THSD7A: variants seen among roughly 807,000 people sequenced by gnomAD.
THSD7A encodes the protein thrombospondin type 1 domain containing 7A, also known as thrombospondin type-1 domain-containing protein 7A.
In THSD7A, 96 loss-of-function variants were observed where a neutral mutation model predicts 231.3. The ratio of observed to expected loss-of-function variants is 0.41; its 90% CI spans 0.35 to 0.49. THSD7A has a LOEUF of 0.49. Among genes scored for constraint, THSD7A ranks in the 20% least tolerant of loss-of-function variants. The pLI is 0.05. For synonymous variants in THSD7A, 940 were observed against 743.3 expected, an observed-to-expected ratio of 1.26 and a Z score of -4.30; for missense variants, 2,290 against 2,070.2, an observed-to-expected ratio of 1.11 and a Z score of -2.06.
chr7:11,543,783 A>AC (rs1443169175), intron 4 of THSD7A, among the ~76,000 whole-genome samples: 5 of 152,090 alleles, frequency 3.3e-5, no homozygotes, highest in Admixed American at 6.5e-5. Flanking sequence ...TGACCAATAA[A>AC]CTGTGGATAA....
intron 17 of THSD7A, among the ~76,000 whole-genome samples, chr7:11,413,178 A>G (rs904538593): frequency 3.0e-4 from 45 of 152,090 alleles, no homozygotes; most frequent in African/African-American, 1.1e-3. Context: ...AAGACATTTT[A>G]AGAATAACTT....
At chr7:11,631,665 A>G (rs1329947764) in intron 2 of THSD7A, among the ~76,000 whole-genome samples, 1 of 152,166 alleles carries the variant, frequency 6.6e-6, no homozygotes, top group African/African-American at 2.4e-5. Flanking sequence ...AGAAAAAAAA[A>G]CAAACACAAA....
At chr7:11,420,772 G>A (rs894000994) in intron 16 of THSD7A, among the ~76,000 whole-genome samples, 1 of 152,188 alleles carries the variant, frequency 6.6e-6, no homozygotes, top group African/African-American at 2.4e-5. Flanking sequence ...AGCCTTGGGG[G>A]CTGTACCCTG....
At chr7:11,499,627 T>C (rs986970525) in intron 6 of THSD7A, among the ~76,000 whole-genome samples, 5 of 152,146 alleles carry the variant, frequency 3.3e-5, no homozygotes, top group African/African-American at 1.2e-4. Context: ...AAAAAGAATC[T>C]AATGGGTCAG....
At position 11,447,129 on chromosome 7, in the gene THSD7A, A is replaced by G. The variant is rs993808308; in HGVS notation, c.2800+101T>C. Reference sequence around the variant, plus strand: ...AAAATATACATCTAAATCCATTGGCATATTATTTTTCAAATACACTGTCAG... The same window carrying G: ...AAAATATACATCTAAATCCATTGGCGTATTATTTTTCAAATACACTGTCAG... On this transcript the variant is annotated intron_variant, in intron 12 of 27. Coordinates refer to ENST00000423059, the MANE Select transcript of THSD7A (RefSeq NM_015204.3). 4.6e-6 allele frequency: 5 copies of G among 1,079,168 alleles called. No individual in the cohort carries two copies. In the Admixed American group the frequency reaches 6.6e-5, roughly 14 times the overall value. 66.8% of individuals were successfully genotyped at this position (1,079,168 alleles called of 1,614,324 possible).
At chr7:11,810,651 C>A (rs1248850235) in intron 1 of THSD7A, among the ~76,000 whole-genome samples, 2 of 152,134 alleles carry the variant, frequency 1.3e-5, no homozygotes, top group African/African-American at 2.4e-5. Flanking sequence ...TTTGTCTTCA[C>A]CTCAGATTTA....
intron 4 of THSD7A, among the ~76,000 whole-genome samples, chr7:11,573,129 G>A (rs1006125029): frequency 2.0e-5 from 3 of 152,122 alleles, no homozygotes; most frequent in Admixed American, 2.0e-4. Flanking sequence ...GACCTGAGGT[G>A]CTCAACAAGT....
At chr7:11,698,510 T>C (rs1780471319) in intron 1 of THSD7A, among the ~76,000 whole-genome samples, 1 of 151,392 alleles carries the variant, frequency 6.6e-6, no homozygotes, top group Non-Finnish European at 1.5e-5. Context: ...GTGACAAAAT[T>C]GCAAGTAGCC....
intron 11 of THSD7A, among the ~76,000 whole-genome samples, chr7:11,457,766 T>A (rs945109754): frequency 1.3e-5 from 2 of 152,070 alleles, no homozygotes; most frequent in Non-Finnish European, 2.9e-5. Context: ...ATGTTTTTGT[T>A]TTTCTTACCT....
chr7:11,813,276 T>G (rs759596990), intron 1 of THSD7A, among the ~76,000 whole-genome samples: 1 of 152,220 alleles, frequency 6.6e-6, no homozygotes, highest in Non-Finnish European at 1.5e-5. Context: ...CTAAATGCAC[T>G]TTTATTCTTA....
intron 23 of THSD7A, among the ~76,000 whole-genome samples, chr7:11,397,436 A>G (rs1313519066): frequency 6.6e-6 from 1 of 152,204 alleles, no homozygotes; most frequent in East Asian, 1.9e-4. Context: ...ACGTAAACCC[A>G]AGACCTAAAA....
intron 6 of THSD7A, among the ~76,000 whole-genome samples, chr7:11,502,835 T>C (rs1787392272): frequency 1.3e-5 from 2 of 152,336 alleles, no homozygotes; most frequent in South Asian, 4.1e-4. Flanking sequence ...CATGCCATGC[T>C]GATGGATAGA....
In THSD7A at chr7:11,590,455, G is replaced by C; in HGVS notation, c.1453+5C>G. On this transcript the variant is annotated splice_donor_5th_base_variant and intron_variant, in intron 4 of 27. Transcript: ENST00000423059. The surrounding 1 kb of genome is among the most constrained non-coding windows in gnomAD (Gnocchi z 4.4). ...GTGAATCCTTGAGAAGAAAGCAAAG[G>C]TTACCTTCTTTGTTCTTGTGGGTAC... 1.2e-6 allele frequency: 2 copies of C among 1,607,662 alleles called. No individual in the cohort carries two copies. The highest frequency in any genetic ancestry group is 2.2e-5 in the East Asian group (1 of 44,680).
chr7:11,802,929 T>C (rs1583303354), intron 1 of THSD7A, among the ~76,000 whole-genome samples: 1 of 152,184 alleles, frequency 6.6e-6, no homozygotes, highest in African/African-American at 2.4e-5. Context: ...TCTTAGACTC[T>C]TGGAAAGAAT....
rs933275990 is a variant in THSD7A, at chr7:11,814,476, T to G, written c.190+17281A>C. On this transcript the variant is annotated intron_variant, in intron 1 of 27. Transcript: ENST00000423059. The surrounding 1 kb of genome is among the most constrained non-coding windows in gnomAD (Gnocchi z 5.1). ...GATGCTATCAGGGTAGAAAATTACC[T>G]CAAGAAGAATGATCTTGAAAGCTCT... 1.4e-4 allele frequency among the ~76,000 whole-genome samples: 22 copies of G among 152,168 alleles called. No individual in the cohort carries two copies. The highest frequency in any genetic ancestry group is 4.8e-4 in the African/African-American group (20 of 41,442).
chr7:11,621,311 C>T (rs1009084460), intron 2 of THSD7A, among the ~76,000 whole-genome samples: 2 of 152,110 alleles, frequency 1.3e-5, no homozygotes, highest in Admixed American at 6.5e-5. Flanking sequence ...GACACTGTAT[C>T]CCAGTCACGA....
intron 2 of THSD7A, among the ~76,000 whole-genome samples, chr7:11,618,596 C>T: frequency 6.6e-6 from 1 of 151,706 alleles, no homozygotes. Context: ...GGTCAGGAGA[C>T]CAAGACACTG....
In THSD7A at chr7:11,551,669, G is replaced by A. The variant is rs575147044; in HGVS notation, c.1454-8552C>T. 3.9e-5 allele frequency among the ~76,000 whole-genome samples: 6 copies of A among 152,142 alleles called. No homozygotes were observed. In the South Asian group the frequency reaches 1.2e-3, roughly 32 times the overall value. On this transcript the variant is annotated intron_variant, in intron 4 of 27. Coordinates refer to ENST00000423059, the MANE Select transcript of THSD7A (RefSeq NM_015204.3). ...ATAACCATCTCACACCAGTCAGAAT[G>A]GCTACTATTAAAAAGTCAAAAAATA...
At chr7:11,430,312 G>T (rs1412497262) in intron 13 of THSD7A, among the ~76,000 whole-genome samples, 3 of 152,016 alleles carry the variant, frequency 2.0e-5, no homozygotes, top group Non-Finnish European at 4.4e-5. Context: ...TAGAACATTT[G>T]TTTTACTCCA....
Sources: allele counts gnomAD v4.1 joint callset (sites outside exome capture counted in the v4.1 genomes callset), GRCh38; gene constraint gnomAD v4.1.1; non-coding constraint Gnocchi (gnomAD v3.1); transcripts MANE v1.5; gene names NCBI Gene and HGNC (gene_info 2026-07-23, HGNC 2026-07-21).